Variants in SMC1B observed in about 807,000 individuals in gnomAD.
SMC1B encodes structural maintenance of chromosomes protein 1B.
Under a neutral mutation model 157.9 loss-of-function variants are expected in SMC1B, and 60 were observed. That is an observed-to-expected ratio of 0.38 (90% CI 0.31 to 0.47). The LOEUF is 0.47. Among genes scored for constraint, SMC1B ranks in the 20% least tolerant of loss-of-function variants. The pLI, the probability that SMC1B is intolerant of heterozygous loss-of-function variation, is 0.99. For synonymous variants in SMC1B, 445 were observed against 483.0 expected (o/e 0.92, Z 1.03); for missense variants, 1,165 against 1,426.2 (o/e 0.82, Z 2.95).
At chr22:45,407,730 T>G (rs1188964775) in intron 2 of SMC1B, among the ~76,000 whole-genome samples, 1 of 152,194 alleles carries the variant, frequency 6.6e-6, no homozygotes, top group Non-Finnish European at 1.5e-5. Context: ...ATTACAGGCA[T>G]GAGCCCCATG....
chr22:45,390,032 T>A (rs1226909122), intron 9 of SMC1B, 135 bp from the exon 10 acceptor site: 2 of 695,826 alleles, frequency 2.9e-6, no homozygotes, highest in East Asian at 2.8e-5. Flanking sequence ...ATTAATAGAG[T>A]TTTATTCAAA....
At position 45,405,088 on chromosome 22, in the gene SMC1B, G is replaced by A. The variant is rs1221969188; in HGVS notation, c.615+1372C>T. ...GGCTTTTTAATAAAAACATGAATGA[G>A]AGACTACCAGGTATGTAAAATCAGG... On this transcript the variant is annotated intron_variant, in intron 4 of 24. Coordinates refer to ENST00000357450, the MANE Select transcript of SMC1B (RefSeq NM_148674.5). Among the ~76,000 whole-genome samples, 5 of 152,152 alleles carry A rather than the reference G, an allele frequency of 3.3e-5. No homozygotes were observed. In the East Asian group the frequency reaches 9.6e-4, roughly 29 times the overall value.
chr22:45,356,603 G>A (rs1407164323), intron 19 of SMC1B, among the ~76,000 whole-genome samples: 1 of 152,000 alleles, frequency 6.6e-6, no homozygotes, highest in Non-Finnish European at 1.5e-5. Flanking sequence ...AAAAGGAGTA[G>A]GCAGGAAACA....
chr22:45,356,038 C>G (rs1234925058), intron 19 of SMC1B, among the ~76,000 whole-genome samples: 1 of 152,168 alleles, frequency 6.6e-6, no homozygotes, highest in Non-Finnish European at 1.5e-5. Flanking sequence ...CCACTGCACT[C>G]CAGCCTAGGT....
chr22:45,378,970 A>G (rs940925995), intron 12 of SMC1B, among the ~76,000 whole-genome samples: 2 of 151,964 alleles, frequency 1.3e-5, no homozygotes, highest in Non-Finnish European at 2.9e-5. Context: ...TTATTTTTCA[A>G]CATTCAGGTT....
intron 15 of SMC1B, among the ~76,000 whole-genome samples, chr22:45,368,754 ACC>A (rs2041769336): frequency 6.6e-6 from 1 of 151,942 alleles, no homozygotes; most frequent in South Asian, 2.1e-4. Context: ...TGACCTCATG[ACC>A]CACCTGCCTC....
intron 1 of SMC1B, among the ~76,000 whole-genome samples, chr22:45,409,581 T>C: frequency 1.3e-5 from 1 of 76,664 alleles, no homozygotes; most frequent in Non-Finnish European, 2.1e-5. Flanking sequence ...AATAAATAAA[T>C]AAATAAATAA....
At chr22:45,345,650 T>C in intron 23 of SMC1B, 81 bp from the exon 24 acceptor site, 3 of 850,496 alleles carry the variant, frequency 3.5e-6, no homozygotes, top group Admixed American at 1.9e-5. Flanking sequence ...TGCATGTCTC[T>C]GAGTCTGGTC....
chr22:45,370,224 A>G (rs1388093475), intron 14 of SMC1B, among the ~76,000 whole-genome samples, 164 bp from the exon 15 acceptor site: 1 of 152,168 alleles, frequency 6.6e-6, no homozygotes, highest in Non-Finnish European at 1.5e-5. Context: ...CTTTAATTCC[A>G]TAAATTATGC....
intron 9 of SMC1B, among the ~76,000 whole-genome samples, chr22:45,391,927 G>A (rs529065367): frequency 1.8e-4 from 27 of 152,156 alleles, no homozygotes; most frequent in African/African-American, 6.5e-4. Flanking sequence ...GAGAGCATAT[G>A]AGCTTCACAT....
intron 6 of SMC1B, 146 bp downstream of exon 6, chr22:45,398,949 T>C (rs965330611): frequency 2.0e-5 from 16 of 794,452 alleles, no homozygotes; most frequent in Admixed American, 5.0e-5. Context: ...TAGTTCTGTA[T>C]ACAGGCTGAA....
At chr22:45,411,165 A>AT (rs1362918995) in intron 1 of SMC1B, among the ~76,000 whole-genome samples, 11 of 151,880 alleles carry the variant, frequency 7.2e-5, no homozygotes, top group African/African-American at 2.7e-4. Context: ...TCAAGGCAGC[A>AT]TAACATACCA....
At chr22:45,353,563 C>A (rs569023099) in intron 21 of SMC1B, among the ~76,000 whole-genome samples, 56 of 152,140 alleles carry the variant, frequency 3.7e-4, no homozygotes, top group African/African-American at 1.3e-3. Context: ...ATTTTCCTCT[C>A]TTTTGTTACT....
chr22:45,406,445 T>G lies in SMC1B; in HGVS notation c.615+15A>C. The G allele has an allele frequency of 6.3e-7, 1 of 1,599,420 alleles. No homozygotes were observed. The highest frequency in any genetic ancestry group is 1.1e-5 in the South Asian group (1 of 87,690). ...ATATCCAACAACTAATGGTTACATC[T>G]TCATGACATCTTACCTCTTCCTTCT... On this transcript the variant is annotated intron_variant, in intron 4 of 24. Coordinates refer to ENST00000357450, the MANE Select transcript of SMC1B (RefSeq NM_148674.5).
chr22:45,413,258 C>T (rs1026228648), intron 1 of SMC1B, among the ~76,000 whole-genome samples: 3 of 151,592 alleles, frequency 2.0e-5, no homozygotes, highest in Non-Finnish European at 4.4e-5. Context: ...AGGTGGACGG[C>T]GAGGACCGGG....
chr22:45,378,616 T>G (rs1165878465), intron 12 of SMC1B, among the ~76,000 whole-genome samples: 1 of 152,200 alleles, frequency 6.6e-6, no homozygotes, highest in Non-Finnish European at 1.5e-5. Context: ...TATTTTTATT[T>G]TTAATTAAGA....
chr22:45,386,334 A>G (rs1035117043), intron 11 of SMC1B, among the ~76,000 whole-genome samples: 9 of 152,132 alleles, frequency 5.9e-5, no homozygotes, highest in Admixed American at 5.9e-4. Context: ...TTCCACTGAG[A>G]GTAAAATAGT....
chr22:45,362,912 A>G lies in SMC1B; in HGVS notation c.2535T>C (p.Gly845=), dbSNP rs775594184. Reference sequence around the variant, plus strand: ...TCTTTAGGTGATCAATATCTTCACTACCTTTCTGGATAGTTTCTTTTAATG... The same window carrying G: ...TCTTTAGGTGATCAATATCTTCACTGCCTTTCTGGATAGTTTCTTTTAATG... ...INTLKETIQK[G]SEDIDHLKKA... The change falls in exon 16 of 25, where the codon GGT becomes GGC. Residue 845 remains glycine, a synonymous_variant. Transcript: ENST00000357450. The G allele has an allele frequency of 2.5e-6, 4 of 1,601,840 alleles. No individual in the cohort carries two copies. Among genetic ancestry groups the G allele is most frequent in the Admixed American group, 1.7e-5 (1 of 57,538 alleles).
Position 45,359,929 on chromosome 22 carries a change from AC to A in SMC1B, c.2737del (p.Val913Ter), listed in dbSNP as rs1473639883. 1 of 1,613,734 alleles carries A rather than the reference AC, an allele frequency of 6.2e-7. No homozygotes were observed. Among genetic ancestry groups the A allele is most frequent in the African/African-American group, 1.3e-5 (1 of 74,944 alleles). On this transcript the variant is annotated frameshift_variant, in exon 18 of 25. Transcript: ENST00000357450. LOFTEE classifies it high-confidence loss of function. ...CTGTTCCAGAGAAGTTTGAATACTT[AC>A]AACTTCTTTTTGCAATTTCCCCACT... is the stretch of plus-strand genomic sequence containing the variant. ...REVGKLQKEV[V>X]SIQTSLEQKR...
Sources: allele counts gnomAD v4.1 joint callset (sites outside exome capture counted in the v4.1 genomes callset), GRCh38; gene constraint gnomAD v4.1.1; transcripts MANE v1.5; gene names NCBI Gene and HGNC (gene_info 2026-07-23, HGNC 2026-07-21).